Variants in ANKFN1 observed in about 807,000 individuals in gnomAD.
ANKFN1 encodes ankyrin repeat and fibronectin type III domain containing 1.
A neutral mutation model predicts 108.7 loss-of-function variants in ANKFN1; 74 were observed. That is an observed-to-expected ratio of 0.68 (90% CI 0.56 to 0.83). ANKFN1 has a LOEUF of 0.83. Among genes scored for constraint, ANKFN1 ranks in the 40% least tolerant of loss-of-function variants. The probability of loss-of-function intolerance (pLI) is 0.00; values close to 1 mark genes in which losing one functional copy is unlikely to be tolerated. For missense variants in ANKFN1, 1,505 were observed against 1,382.3 expected, an observed-to-expected ratio of 1.09 and a Z score of -1.41; for synonymous variants, 547 against 516.2, an observed-to-expected ratio of 1.06 and a Z score of -0.81.
intron 10 of ANKFN1, among the ~76,000 whole-genome samples, chr17:56,447,146 C>T (rs1342493585): frequency 6.6e-6 from 1 of 152,034 alleles, no homozygotes; most frequent in African/African-American, 2.4e-5. Context: ...TCACTTGAAC[C>T]TGGGAGGCAA....
chr17:56,345,058 G>A (rs989240935), intron 4 of ANKFN1, among the ~76,000 whole-genome samples: 8 of 151,898 alleles, frequency 5.3e-5, no homozygotes, highest in African/African-American at 1.7e-4. Flanking sequence ...CACACCCACC[G>A]ACAGACCCCA....
At position 56,153,641 on chromosome 17, in the gene ANKFN1, C is replaced by T. The variant is rs58481121; in HGVS notation, c.-71+111C>T. ...GTGGGCGAGTGAATTCGGGCGTTAG[C>T]TGGTGAGCATCCATGGTCAGGCAGA... On this transcript the variant is annotated intron_variant, in intron 1 of 20. Coordinates refer to ENST00000682825, the MANE Select transcript of ANKFN1 (RefSeq NM_001370326.1). 11,069 of 1,407,766 alleles carry T rather than the reference C, an allele frequency of 7.9e-3. 670 individuals are homozygous for T. The African/African-American group carries it at 0.13, about 17-fold the overall frequency. The allele number at this position is 1,407,766 out of a possible 1,614,324, so 87.2% of individuals were successfully genotyped here.
intron 5 of ANKFN1, among the ~76,000 whole-genome samples, chr17:56,352,637 AT>A: frequency 6.6e-6 from 1 of 152,182 alleles, no homozygotes; most frequent in South Asian, 2.1e-4. Flanking sequence ...TTCTTAAGCT[AT>A]TTTTTTCTAC....
Position 56,311,975 on chromosome 17 carries a change from A to C in ANKFN1, c.54-14246A>C, listed in dbSNP as rs1335810465. 2.0e-5 allele frequency among the ~76,000 whole-genome samples: 3 copies of C among 152,058 alleles called. No individual in the cohort carries two copies. In the East Asian group the frequency reaches 5.8e-4, roughly 29 times the overall value. On this transcript the variant is annotated intron_variant, in intron 3 of 20. Coordinates refer to ENST00000682825, the MANE Select transcript of ANKFN1 (RefSeq NM_001370326.1). ...TCACTCTCTGATCACAGAATCTAGA[A>C]CTCTTCGCGGTCTCCTCTTCAGGCC... is the stretch of plus-strand genomic sequence containing the variant.
At chr17:56,278,709 T>C (rs2043996809) in intron 3 of ANKFN1, among the ~76,000 whole-genome samples, 1 of 152,308 alleles carries the variant, frequency 6.6e-6, no homozygotes, top group Non-Finnish European at 1.5e-5. Flanking sequence ...ATTCTGAGAG[T>C]AGATGACCAA....
chr17:56,228,008 T>C (rs530898721), intron 3 of ANKFN1, 51 bp downstream of exon 3: 6 of 1,488,628 alleles, frequency 4.0e-6, no homozygotes, highest in Non-Finnish European at 5.5e-6. Context: ...CTGTAATTCC[T>C]AAAGCCTCCT....
chr17:56,288,238 TTA>T (rs2044269634), intron 3 of ANKFN1, among the ~76,000 whole-genome samples: 1 of 152,210 alleles, frequency 6.6e-6, no homozygotes, highest in South Asian at 2.1e-4. Context: ...AAAACTGTTA[TTA>T]GTTTCCTGTG....
At chr17:56,184,511 T>G (rs1912002692) in intron 1 of ANKFN1, among the ~76,000 whole-genome samples, 1 of 152,212 alleles carries the variant, frequency 6.6e-6, no homozygotes, top group Non-Finnish European at 1.5e-5. Context: ...CGACTTGTTT[T>G]ACTGTGAGAT....
Position 56,513,635 on chromosome 17 carries a change from C to T in ANKFN1, c.*2366C>T, listed in dbSNP as rs1030247242. 5.9e-5 allele frequency among the ~76,000 whole-genome samples: 9 copies of T among 152,108 alleles called. No individual in the cohort carries two copies. Among genetic ancestry groups the T allele is most frequent in the African/African-American group, 2.2e-4 (9 of 41,406 alleles). On this transcript the variant is annotated 3_prime_UTR_variant, in exon 21 of 21. Coordinates refer to ENST00000682825, the MANE Select transcript of ANKFN1 (RefSeq NM_001370326.1). ...ACAGGAGAGGCAGAAACTGACCCAC[C>T]CTTCTGACCCCTCATTTGGTCAGTA...
At chr17:56,119,304 T>C (rs1315549801) in intron 4 of ANKFN1, among the ~76,000 whole-genome samples, 1 of 152,136 alleles carries the variant, frequency 6.6e-6, no homozygotes, top group Non-Finnish European at 1.5e-5. Flanking sequence ...GAGCTTGTAA[T>C]GCTCCTGAAG....
intron 4 of ANKFN1, among the ~76,000 whole-genome samples, chr17:56,065,189 A>T (rs766072085): frequency 6.6e-6 from 1 of 152,096 alleles, no homozygotes. Flanking sequence ...TGTCTTATCT[A>T]TGCTATTGCT....
At chr17:56,231,510 A>T (rs1340007629) in intron 3 of ANKFN1, among the ~76,000 whole-genome samples, 2 of 152,160 alleles carry the variant, frequency 1.3e-5, no homozygotes, top group African/African-American at 4.8e-5. Flanking sequence ...GCTGCTAGGC[A>T]CTGTGCTGAA....
chr17:56,148,867 GCTA>G (rs1908424728), upstream of ANKFN1, among the ~76,000 whole-genome samples: 1 of 152,098 alleles, frequency 6.6e-6, no homozygotes, highest in Admixed American at 6.6e-5. Flanking sequence ...GTTAATGACT[GCTA>G]CTATTTTTTT....
At chr17:56,283,874 C>A (rs143816469) in intron 3 of ANKFN1, among the ~76,000 whole-genome samples, 9 of 152,090 alleles carry the variant, frequency 5.9e-5, no homozygotes, top group African/African-American at 2.2e-4. Flanking sequence ...CACCAGTTCC[C>A]CCAAAAACCT....
chr17:56,443,012 TCC>T, intron 10 of ANKFN1, 79 bp downstream of exon 10: 1 of 1,432,348 alleles, frequency 7.0e-7, no homozygotes, highest in African/African-American at 1.4e-5. Context: ...CCATTGCCAT[TCC>T]CTTCCCCCAC....
intron 4 of ANKFN1, among the ~76,000 whole-genome samples, chr17:56,144,941 T>C (rs976344022): frequency 4.6e-5 from 7 of 152,086 alleles, no homozygotes; most frequent in African/African-American, 1.7e-4. Flanking sequence ...TTACCCTTTT[T>C]TTTTTCTAAA....
intron 16 of ANKFN1, 133 bp from the exon 17 acceptor site, chr17:56,480,535 A>C (rs1053301303): frequency 2.1e-6 from 2 of 974,518 alleles, no homozygotes; most frequent in African/African-American, 3.3e-5. Context: ...AAATGTTCAA[A>C]TTTCATGAAT....
intron 8 of ANKFN1, among the ~76,000 whole-genome samples, chr17:56,381,181 C>G (rs4793814): frequency 0.56 from 85,051 of 152,108 alleles, 28,031 homozygotes; most frequent in East Asian, 0.96. Context: ...CAGACAGGGT[C>G]TGGAGTGGAC....
chr17:56,143,920 T>A (rs1450665813), intron 4 of ANKFN1, among the ~76,000 whole-genome samples: 1 of 152,114 alleles, frequency 6.6e-6, no homozygotes, highest in Non-Finnish European at 1.5e-5. Flanking sequence ...GACGCCTGGA[T>A]TTCAGACTTC....
Sources: allele counts gnomAD v4.1 joint callset (sites outside exome capture counted in the v4.1 genomes callset), GRCh38; gene constraint gnomAD v4.1.1; transcripts MANE v1.5; gene names NCBI Gene and HGNC (gene_info 2026-07-23, HGNC 2026-07-21).